Variants in SYN1 observed in about 807,000 individuals in gnomAD.
SYN1 encodes synapsin I.
Under a neutral mutation model 44.6 loss-of-function variants are expected in SYN1, and 8 were observed. That is an observed-to-expected ratio of 0.18 (90% confidence interval 0.11 to 0.32). The LOEUF is 0.32. Among genes scored for constraint, SYN1 ranks in the 10% least tolerant of loss-of-function variants. The probability of loss-of-function intolerance (pLI) is 1.00; values close to 1 mark genes in which losing one functional copy is unlikely to be tolerated. For missense variants in SYN1, 451 were observed against 639.4 expected (o/e 0.71, Z 3.18); for synonymous variants, 275 against 280.1 (o/e 0.98, Z 0.18).
At chrX:47,590,054 G>T (rs1213962851) in intron 5 of SYN1, 1 of 110,748 alleles carries the variant, frequency 9.0e-6, no homozygotes, top group Non-Finnish European at 1.9e-5. Context: ...AAGGAATGGG[G>T]TAGGTCTCCG....
chrX:47,588,809 C>T (rs766366426), intron 5 of SYN1, among the ~76,000 whole-genome samples: 1 of 111,792 alleles, frequency 8.9e-6, no homozygotes, highest in South Asian at 3.8e-4. Context: ...GGGTCACAGC[C>T]ATGTGGTATT....
intron 1 of SYN1, among the ~76,000 whole-genome samples, chrX:47,607,969 G>A (rs1221735092): frequency 9.1e-6 from 1 of 109,989 alleles, no homozygotes; most frequent in Non-Finnish European, 1.9e-5. Flanking sequence ...GGCGGAAGTT[G>A]CAGTGAGCCA....
chrX:47,582,435 C>A (rs1469676289), intron 5 of SYN1: 3 of 248,329 alleles, frequency 1.2e-5, no homozygotes, highest in Non-Finnish European at 2.4e-5. Context: ...CAGGCCCTGC[C>A]GCCATCGCCG....
At position 47,574,530 on chromosome X, in the gene SYN1, GGGCGCTGCTGCAATGGGGGTCCCT is replaced by G; in HGVS notation, c.1430_1453del (p.Gln477_Arg484del). The G allele has an allele frequency of 6.5e-6, 7 of 1,083,631 alleles. No individual in the cohort carries two copies. The highest frequency in any genetic ancestry group is 8.4e-6 in the Non-Finnish European group (7 of 837,506). 89.3% of individuals were successfully genotyped at this position (1,083,631 alleles called of 1,213,427 possible). A position where few individuals can be genotyped will look rare whatever the true frequency, so the allele number is the denominator to read the frequency against. On this transcript the variant is annotated inframe_deletion, in exon 12 of 13. Coordinates refer to ENST00000295987, the MANE Select transcript of SYN1 (RefSeq NM_006950.3). ...AAGGTGCTGCTGGCCCTGCGGGGGCGGGCGCTGCTGCAATGGGGGTCCCTGGCGCTGGGGGCCTGGACCCGGCTG... is the reference window on the plus strand; with the variant it reads ...AAGGTGCTGCTGGCCCTGCGGGGGCGGGCGCTGGGGGCCTGGACCCGGCTG...
Position 47,586,098 on chromosome X carries a change from A to T in SYN1, c.775-8597T>A, listed in dbSNP as rs758111216. ...CCAGACACCAGAGGGTGTTACACTGACCTCCTGGCTAGTCCAAGCCTGTTC... is the reference window on the plus strand; with the variant it reads ...CCAGACACCAGAGGGTGTTACACTGTCCTCCTGGCTAGTCCAAGCCTGTTC... On this transcript the variant is annotated intron_variant, in intron 5 of 12. Coordinates refer to ENST00000295987, the MANE Select transcript of SYN1 (RefSeq NM_006950.3). 1.6e-5 allele frequency: 15 copies of T among 938,824 alleles called. No individual in the cohort carries two copies. The East Asian group carries it at 9.1e-4, about 57-fold the overall frequency. The allele number at this position is 938,824 out of a possible 1,213,427, so 77.4% of individuals were successfully genotyped here.
At chrX:47,576,014 G>A in intron 9 of SYN1, 117 bp downstream of exon 9, 1 of 754,203 alleles carries the variant, frequency 1.3e-6, no homozygotes, top group Non-Finnish European at 2.0e-6. Context: ...ACCTTACAGT[G>A]TACTAAGCAC....
At chrX:47,612,110 A>C (rs1376353233) in intron 1 of SYN1, among the ~76,000 whole-genome samples, 1 of 111,561 alleles carries the variant, frequency 9.0e-6, no homozygotes, top group Non-Finnish European at 1.9e-5. Flanking sequence ...GGCAGATCTT[A>C]TGATACTGGA....
In SYN1 at chrX:47,575,182, G is replaced by T. The variant is rs765003722; in HGVS notation, c.1251C>A (p.Ala417=). The T allele has an allele frequency of 1.7e-6, 2 of 1,196,799 alleles. No homozygotes were observed. The highest frequency in any genetic ancestry group is 2.3e-6 in the Non-Finnish European group (2 of 888,396). Residue 417 remains alanine (A), a synonymous_variant, in exon 10 of 13, where the codon GCC becomes GCA. Coordinates refer to ENST00000295987, the MANE Select transcript of SYN1 (RefSeq NM_006950.3). ...VELVVNKMAQ[A]LPRQRQRDAS... ...CATCCCGCTGTCGCTGCCGGGGCAG[G>T]GCCTGAGCCATCTTGTTGACCACGA...
intron 5 of SYN1, among the ~76,000 whole-genome samples, chrX:47,590,606 A>G (rs73206131): frequency 0.098 from 10,947 of 111,299 alleles, 493 homozygotes; most frequent in Non-Finnish European, 0.13. Context: ...GAGGGATAGA[A>G]GTCTGCACTC....
At position 47,575,090 on chromosome X, in the gene SYN1, A is replaced by G. The variant is rs867542247; in HGVS notation, c.1305+38T>C. ...CATGACCCAGGGCCGGCCTCCCCAC[A>G]CTAGCTCAAGCCACTAGCTCAGCGC... On this transcript the variant is annotated intron_variant, in intron 10 of 12. Coordinates refer to ENST00000295987, the MANE Select transcript of SYN1 (RefSeq NM_006950.3). 16 of 1,175,228 alleles carry G rather than the reference A, an allele frequency of 1.4e-5. No individual in the cohort carries two copies. The Middle Eastern group carries it at 8.6e-4, about 63-fold the overall frequency.
chrX:47,603,973 T>C (rs1267536146), intron 5 of SYN1, among the ~76,000 whole-genome samples: 1 of 105,389 alleles, frequency 9.5e-6, no homozygotes, highest in Non-Finnish European at 1.9e-5. Context: ...AATAGCGTGA[T>C]CTTGGCTCAC....
At chrX:47,610,175 T>C (rs1449573880) in intron 1 of SYN1, among the ~76,000 whole-genome samples, 2 of 111,492 alleles carry the variant, frequency 1.8e-5, no homozygotes, top group Non-Finnish European at 3.8e-5. Flanking sequence ...GCTCAGAATT[T>C]AATTCTACGT....
chrX:47,591,774 G>A (rs2057848913), intron 5 of SYN1, among the ~76,000 whole-genome samples: 1 of 109,989 alleles, frequency 9.1e-6, no homozygotes, highest in African/African-American at 3.3e-5. Flanking sequence ...CAAGCTCAGT[G>A]GGGGACAAGG....
At position 47,577,452 on chromosome X, in the gene SYN1, G is replaced by A. The variant is rs775715255; in HGVS notation, c.824C>T (p.Ser275Phe). The change falls in exon 6 of 13, where the codon TCT becomes TTT. Residue 275 changes from serine (S) to phenylalanine (F), a missense_variant. Physicochemically the swap from Ser to Phe is radical, Grantham distance 155. Coordinates refer to ENST00000295987, the MANE Select transcript of SYN1 (RefSeq NM_006950.3). Reference sequence around the variant, plus strand: ...CCAGAGACTCACCTTGCCCATCCCAGAGTGTGCGTGCCCCATCTTCACAAC... The same window carrying A: ...CCAGAGACTCACCTTGCCCATCCCAAAGTGTGCGTGCCCCATCTTCACAAC... ...PVVVKMGHAH[S>F]GMGKVKVDNQ... 4 of 1,207,443 alleles carry A rather than the reference G, an allele frequency of 3.3e-6. No homozygotes were observed. The highest frequency in any genetic ancestry group is 4.5e-6 in the Non-Finnish European group (4 of 893,493).
chrX:47,597,335 C>CA (rs759461408), intron 5 of SYN1, among the ~76,000 whole-genome samples: 7,840 of 48,673 alleles, frequency 0.16, 458 homozygotes, highest in Non-Finnish European at 0.22. Flanking sequence ...AACTCCATCT[C>CA]AAAAAAAAAA....
chrX:47,597,646 C>T (rs779387802), intron 5 of SYN1, among the ~76,000 whole-genome samples: 11 of 111,306 alleles, frequency 9.9e-5, no homozygotes, highest in African/African-American at 3.6e-4. Context: ...GGCTAAAAAT[C>T]CCCCCAATTT....
chrX:47,583,860 C>T (rs922043295), intron 5 of SYN1, among the ~76,000 whole-genome samples: 2 of 111,892 alleles, frequency 1.8e-5, no homozygotes, highest in African/African-American at 6.5e-5. Flanking sequence ...TACTCCTGAT[C>T]TCCTGTTAAA....
intron 1 of SYN1, 57 bp downstream of exon 1, chrX:47,619,295 G>C (rs1314578427): frequency 8.4e-7 from 1 of 1,193,565 alleles, no homozygotes; most frequent in African/African-American, 1.7e-5. Context: ...TTGCTCATTC[G>C]CAGAAGAACG....
chrX:47,616,782 G>A (rs1159344150), intron 1 of SYN1, among the ~76,000 whole-genome samples: 9 of 111,799 alleles, frequency 8.1e-5, no homozygotes, highest in Admixed American at 4.7e-4. Context: ...AGGCAGCTGG[G>A]GAGATGGCTA....
Sources: gnomAD v4.1 joint callset for allele counts (sites outside exome capture counted in the v4.1 genomes callset) on GRCh38, gnomAD v4.1.1 for gene constraint, MANE v1.5 for transcripts, NCBI Gene and HGNC (gene_info 2026-07-23, HGNC 2026-07-21) for gene names.